The following CATSPERD variants were observed in gnomAD, a reference collection of about 807,000 sequenced individuals.
The protein encoded by CATSPERD is cation channel sperm-associated auxiliary subunit delta.
In CATSPERD, 86 loss-of-function variants were observed where a neutral mutation model predicts 98.1. The ratio of observed to expected loss-of-function variants is 0.88; its 90% CI spans 0.74 to 1.05. The LOEUF (loss-of-function observed/expected upper bound fraction) is 1.05. Among genes scored for constraint, CATSPERD ranks in the 50% least tolerant of loss-of-function variants. CATSPERD has a pLI of 0.00. For synonymous variants in CATSPERD, 394 were observed against 390.2 expected (o/e 1.01, Z -0.12); for missense variants, 995 against 1,005.7 (o/e 0.99, Z 0.14).
Position 5,721,196 on chromosome 19 carries a change from G to A in CATSPERD, c.71+388G>A, listed in dbSNP as rs191158488. On this transcript the variant is annotated intron_variant, in intron 1 of 21. Transcript: ENST00000381624. ...TTTTGTATTTTTAGTAAAGACGGGG[G>A]TTTCACCGTATTAGCCAGGATGGTC... Among the ~76,000 whole-genome samples the A allele has an allele frequency of 3.1e-3, 477 of 152,102 alleles. 3 individuals are homozygous for A. The highest frequency in any genetic ancestry group is 4.6e-3 in the Non-Finnish European group (311 of 67,982).
At chr19:5,728,356 C>CAAAAAAAA (rs564166119) in intron 3 of CATSPERD, among the ~76,000 whole-genome samples, 2 of 80,958 alleles carry the variant, frequency 2.5e-5, no homozygotes, top group Non-Finnish European at 4.8e-5. Flanking sequence ...GACTCTGTCT[C>CAAAAAAAA]AAAAAAAAAA....
intron 20 of CATSPERD, 43 bp from the exon 21 acceptor site, chr19:5,776,118 C>T: frequency 6.2e-7 from 1 of 1,601,244 alleles, no homozygotes; most frequent in Non-Finnish European, 8.5e-7. Context: ...AGGGCCCCCT[C>T]CCCAGTCCCT....
chr19:5,723,776 G>A (rs966430472), intron 1 of CATSPERD, among the ~76,000 whole-genome samples: 1 of 137,028 alleles, frequency 7.3e-6, no homozygotes, highest in African/African-American at 2.8e-5. Flanking sequence ...GTTTTGTTTT[G>A]TTTTTGTTTT....
At position 5,744,420 on chromosome 19, in the gene CATSPERD, T is replaced by C. The variant is rs1448959304; in HGVS notation, c.574-7T>C. The C allele has an allele frequency of 1.2e-6, 2 of 1,608,974 alleles. No homozygotes were observed. The highest frequency in any genetic ancestry group is 1.7e-6 in the Non-Finnish European group (2 of 1,176,766). On this transcript the variant is annotated splice_region_variant and splice_polypyrimidine_tract_variant and intron_variant, in intron 7 of 21. Transcript: ENST00000381624. The stretch of plus-strand genomic sequence containing the variant: ...TTCATCTGAAGTCTTTTCTGTTTGT[T>C]TCATAGGCAGAAATCATTGGGTCTT...
chr19:5,759,873 C>T (rs762696894), intron 15 of CATSPERD, among the ~76,000 whole-genome samples: 4 of 151,750 alleles, frequency 2.6e-5, no homozygotes, highest in African/African-American at 9.7e-5. Flanking sequence ...GTCAGGAGTT[C>T]GAGACCAGCC....
At chr19:5,746,214 A>G (rs886911161) in intron 9 of CATSPERD, 151 bp downstream of exon 9, 2 of 817,120 alleles carry the variant, frequency 2.4e-6, no homozygotes, top group African/African-American at 3.4e-5. Flanking sequence ...CAAGCCCATA[A>G]TCATTTAGTG....
Position 5,729,556 on chromosome 19 carries a change from A to G in CATSPERD, c.204-316A>G, listed in dbSNP as rs186202584. Among the ~76,000 whole-genome samples the G allele has an allele frequency of 3.3e-5, 5 of 152,312 alleles. No individual in the cohort carries two copies. In the East Asian group the frequency reaches 9.6e-4, roughly 29 times the overall value. On this transcript the variant is annotated intron_variant, in intron 3 of 21. Transcript: ENST00000381624. ...CAAATTGTTTATTTCTTATATACAC[A>G]TTCCTGGTCTAAAACTATTTACGTT...
At chr19:5,735,635 G>A (rs1249095304) in intron 5 of CATSPERD, among the ~76,000 whole-genome samples, 2 of 152,016 alleles carry the variant, frequency 1.3e-5, no homozygotes, top group African/African-American at 4.8e-5. Flanking sequence ...ACCACACCCA[G>A]CTAATTTTTG....
chr19:5,737,029 C>T, intron 5 of CATSPERD, 109 bp from the exon 6 acceptor site: 1 of 613,924 alleles, frequency 1.6e-6, no homozygotes, highest in Non-Finnish European at 2.8e-6. Flanking sequence ...TGCACTTCAG[C>T]CTGGGCGACA....
In CATSPERD at chr19:5,736,362, G is replaced by A. The variant is rs186023214; in HGVS notation, c.392-776G>A. On this transcript the variant is annotated intron_variant, in intron 5 of 21. Transcript: ENST00000381624. ...TCCTACAATGCATAGGAAACTCCTC[G>A]CAAGTGAGAACCATCTGCTCCCAAA... 3.4e-4 allele frequency among the ~76,000 whole-genome samples: 52 copies of A among 152,274 alleles called. No homozygotes were observed. In the East Asian group the frequency reaches 9.5e-3, roughly 28 times the overall value.
intron 7 of CATSPERD, among the ~76,000 whole-genome samples, chr19:5,743,606 G>GAAA (rs58070165): frequency 7.1e-6 from 1 of 140,048 alleles, no homozygotes; most frequent in Non-Finnish European, 1.5e-5. Context: ...CTCAAAAAAA[G>GAAA]AAAAAAAGAA....
intron 20 of CATSPERD, among the ~76,000 whole-genome samples, chr19:5,775,542 G>A (rs1219454301): frequency 4.6e-5 from 7 of 150,952 alleles, no homozygotes; most frequent in East Asian, 1.9e-4. Flanking sequence ...CCAGCTACTC[G>A]GGAGGCTGAG....
chr19:5,768,119 G>T (rs1025298274), intron 17 of CATSPERD, 49 bp from the exon 18 acceptor site: 2 of 1,539,056 alleles, frequency 1.3e-6, no homozygotes, highest in Non-Finnish European at 1.8e-6. Context: ...ATAATGGTTT[G>T]GTTCTTTGTG....
intron 13 of CATSPERD, among the ~76,000 whole-genome samples, chr19:5,755,540 T>G (rs1453473826): frequency 2.0e-5 from 3 of 151,016 alleles, no homozygotes; most frequent in African/African-American, 7.3e-5. Context: ...GAGGCTGAGG[T>G]GGGAAGATCG....
rs1398165653 is a variant in CATSPERD, at chr19:5,738,895, G to A, written c.460-431G>A. On this transcript the variant is annotated intron_variant, in intron 6 of 21. Transcript: ENST00000381624. ...CCGGCCTGTTTTTGTTTTTGTTTTT[G>A]TTTTTGTTTTTTTTAAGAGACAGGG... Among the ~76,000 whole-genome samples, 5 of 150,678 alleles carry A rather than the reference G, an allele frequency of 3.3e-5. No homozygotes were observed. The East Asian group carries it at 9.9e-4, about 30-fold the overall frequency.
chr19:5,774,588 T>C (rs1277639746), intron 20 of CATSPERD, among the ~76,000 whole-genome samples: 1 of 151,668 alleles, frequency 6.6e-6, no homozygotes, highest in Non-Finnish European at 1.5e-5. Context: ...ACTGGGGAGC[T>C]TGAGGCAAGA....
At chr19:5,761,912 A>AT (rs2056442353) in intron 15 of CATSPERD, among the ~76,000 whole-genome samples, 1 of 149,852 alleles carries the variant, frequency 6.7e-6, no homozygotes, top group Admixed American at 6.7e-5. Context: ...TTGTTGTTGT[A>AT]TTTTTAGTAG....
intron 16 of CATSPERD, among the ~76,000 whole-genome samples, chr19:5,764,582 G>A (rs1002245930): frequency 3.9e-5 from 6 of 151,954 alleles, no homozygotes; most frequent in Admixed American, 3.3e-4. Flanking sequence ...TTCCCAAAGT[G>A]CTGGGATTAC....
intron 18 of CATSPERD, among the ~76,000 whole-genome samples, chr19:5,770,674 G>A (rs920871859): frequency 2.3e-4 from 35 of 151,670 alleles, no homozygotes; most frequent in Non-Finnish European, 3.8e-4. Flanking sequence ...CCAGCCACTC[G>A]GGAGGCTGAG....
Sources: gnomAD v4.1 joint callset for allele counts (sites outside exome capture counted in the v4.1 genomes callset) on GRCh38, gnomAD v4.1.1 for gene constraint, MANE v1.5 for transcripts, NCBI Gene and HGNC (gene_info 2026-07-23, HGNC 2026-07-21) for gene names.